Variants in PRKN observed in about 807,000 individuals in gnomAD.
PRKN encodes the protein parkin RBR E3 ubiquitin protein ligase.
A neutral mutation model predicts 59.5 loss-of-function variants in PRKN; 56 were observed. The ratio of observed to expected loss-of-function variants is 0.94; its 90% CI spans 0.76 to 1.18. The LOEUF is 1.18. PRKN is among the 50% of genes most tolerant of loss of function. The probability of loss-of-function intolerance (pLI) is 0.00; values close to 1 mark genes in which losing one functional copy is unlikely to be tolerated. For missense variants in PRKN, 657 were observed against 596.4 expected, an observed-to-expected ratio of 1.10 and a Z score of -1.06; for synonymous variants, 250 against 222.1, an observed-to-expected ratio of 1.13 and a Z score of -1.12.
At chr6:161,951,383 A>G (rs1779984106) in intron 6 of PRKN, among the ~76,000 whole-genome samples, 1 of 151,860 alleles carries the variant, frequency 6.6e-6, no homozygotes, top group African/African-American at 2.4e-5. Flanking sequence ...CTGAACTATT[A>G]ACCTTCTTCT....
intron 9 of PRKN, among the ~76,000 whole-genome samples, chr6:161,504,984 T>C (rs1356879707): frequency 3.4e-5 from 5 of 148,364 alleles, no homozygotes. Flanking sequence ...GCAATAAACA[T>C]ACGTGTGCAT....
At chr6:161,719,895 G>A (rs1300847255) in intron 7 of PRKN, among the ~76,000 whole-genome samples, 2 of 152,214 alleles carry the variant, frequency 1.3e-5, no homozygotes, top group Non-Finnish European at 2.9e-5. Context: ...GCCTCCCAAA[G>A]TGCTGGGATT....
chr6:162,278,034 C>G (rs1192830000), intron 2 of PRKN, among the ~76,000 whole-genome samples: 1 of 152,120 alleles, frequency 6.6e-6, no homozygotes, highest in African/African-American at 2.4e-5. Context: ...TGTTCTTCAT[C>G]AGGTGAATGG....
chr6:162,439,169 GT>G (rs1789930142), intron 2 of PRKN, among the ~76,000 whole-genome samples: 1 of 152,128 alleles, frequency 6.6e-6, no homozygotes, highest in Non-Finnish European at 1.5e-5. Flanking sequence ...TAGGGCCGCA[GT>G]TTTTCTGTTG....
intron 4 of PRKN, among the ~76,000 whole-genome samples, chr6:162,107,368 G>A (rs547817794): frequency 1.3e-5 from 2 of 152,188 alleles, no homozygotes; most frequent in East Asian, 3.9e-4. Context: ...AGGAGGCTGA[G>A]GCAGGAGTAT....
At chr6:162,576,972 A>C (rs1237610559) in intron 1 of PRKN, among the ~76,000 whole-genome samples, 2 of 152,194 alleles carry the variant, frequency 1.3e-5, no homozygotes, top group Non-Finnish European at 2.9e-5. Flanking sequence ...GGCAAAAATA[A>C]TGCCTTTCAT....
intron 2 of PRKN, among the ~76,000 whole-genome samples, chr6:162,323,303 T>C (rs941691434): frequency 2.6e-5 from 3 of 113,772 alleles, no homozygotes; most frequent in African/African-American, 5.9e-5. Context: ...AAACCACTTA[T>C]AGAAAAAAAC....
intron 5 of PRKN, among the ~76,000 whole-genome samples, chr6:162,053,141 C>T (rs959540766): frequency 3.3e-5 from 5 of 152,172 alleles, no homozygotes; most frequent in African/African-American, 1.2e-4. Flanking sequence ...GTCCCTAGCC[C>T]TAGGCTGGTG....
At chr6:162,667,206 A>G (rs370754060) in intron 1 of PRKN, among the ~76,000 whole-genome samples, 1 of 152,082 alleles carries the variant, frequency 6.6e-6, no homozygotes, top group African/African-American at 2.4e-5. Flanking sequence ...TCTGTGCGTG[A>G]CAAATTTACC....
chr6:161,396,227 T>C lies in PRKN; in HGVS notation c.1084-9350A>G, dbSNP rs2114967903. 6.6e-6 allele frequency among the ~76,000 whole-genome samples: 1 copy of C among 152,326 alleles called. No individual in the cohort carries two copies. Among genetic ancestry groups the C allele is most frequent in the East Asian group, 1.9e-4 (1 of 5,192 alleles). The stretch of plus-strand genomic sequence containing the variant: ...CTTCCAAGGTCCCCAGCTCTGGCAT[T>C]TGTGTCATGGCTTACCTTGTTCCCA... On this transcript the variant is annotated intron_variant, in intron 9 of 11. Coordinates refer to ENST00000366898, the MANE Select transcript of PRKN (RefSeq NM_004562.3). The surrounding 1 kb of genome is among the most constrained non-coding windows in gnomAD (Gnocchi z 5.4).
At position 161,502,880 on chromosome 6, in the gene PRKN, C is replaced by G. The variant is rs528762752; in HGVS notation, c.1083+45974G>C. ...ACCTGACTCCACAGCTTAGTAGGTG[C>G]GTAACCCTGGGGATGTCGCTTAATT... On this transcript the variant is annotated intron_variant, in intron 9 of 11. Transcript: ENST00000366898. The surrounding 1 kb of genome is among the most constrained non-coding windows in gnomAD (Gnocchi z 4.0). Among the ~76,000 whole-genome samples the G allele has an allele frequency of 7.2e-5, 11 of 152,170 alleles. No individual in the cohort carries two copies. The East Asian group carries it at 1.9e-3, about 27-fold the overall frequency.
At chr6:162,417,323 C>T (rs370491147) in intron 2 of PRKN, among the ~76,000 whole-genome samples, 6 of 152,118 alleles carry the variant, frequency 3.9e-5, no homozygotes, top group East Asian at 1.9e-4. Context: ...CTTGATGCCA[C>T]GCGTTGACTG....
In PRKN at chr6:161,395,580, G is replaced by A. The variant is rs1449951416; in HGVS notation, c.1084-8703C>T. On this transcript the variant is annotated intron_variant, in intron 9 of 11. Transcript: ENST00000366898. The surrounding 1 kb of genome is among the most constrained non-coding windows in gnomAD (Gnocchi z 5.0). ...TGTCAGTCACAGGCTTAGCAGCAAG[G>A]TGGGTGGAAGCTGCTTCCCCAACAC... Among the ~76,000 whole-genome samples, 1 of 152,216 alleles carries A rather than the reference G, an allele frequency of 6.6e-6. No individual in the cohort carries two copies. The highest frequency in any genetic ancestry group is 1.5e-5 in the Non-Finnish European group (1 of 68,048).
intron 2 of PRKN, among the ~76,000 whole-genome samples, chr6:162,305,598 A>C (rs1358667963): frequency 6.6e-6 from 1 of 152,182 alleles, no homozygotes; most frequent in African/African-American, 2.4e-5. Context: ...AAGATAAGAA[A>C]ACTATGAGTG....
intron 1 of PRKN, among the ~76,000 whole-genome samples, chr6:162,512,580 T>C (rs1328376046): frequency 6.6e-6 from 1 of 152,198 alleles, no homozygotes. Context: ...GTGTCCGTCA[T>C]AGGTGTTACT....
In PRKN at chr6:161,385,248, C is replaced by T. The variant is rs1447777328; in HGVS notation, c.1167+1546G>A. 1.3e-5 allele frequency among the ~76,000 whole-genome samples: 2 copies of T among 152,116 alleles called. No homozygotes were observed. Among genetic ancestry groups the T allele is most frequent in the African/African-American group, 4.8e-5 (2 of 41,424 alleles). On this transcript the variant is annotated intron_variant, in intron 10 of 11. Transcript: ENST00000366898. The surrounding 1 kb of genome is among the most constrained non-coding windows in gnomAD (Gnocchi z 4.9). Reference sequence around the variant, plus strand: ...CGGCCGGGAAATATACTTTTCAATGCATTTTTCTAGAGAGTCTAGCAGCTG... The same window carrying T: ...CGGCCGGGAAATATACTTTTCAATGTATTTTTCTAGAGAGTCTAGCAGCTG...
Position 161,417,326 on chromosome 6 carries a change from T to C in PRKN, c.1084-30449A>G, listed in dbSNP as rs969296753. The stretch of plus-strand genomic sequence containing the variant: ...TTAGCCGGGTGTGGTGGCGCCTGCC[T>C]GTAGTCGCAGCTACTCGGGAGGCTA... On this transcript the variant is annotated intron_variant, in intron 9 of 11. Coordinates refer to ENST00000366898, the MANE Select transcript of PRKN (RefSeq NM_004562.3). The surrounding 1 kb of genome is among the most constrained non-coding windows in gnomAD (Gnocchi z 5.4). Among the ~76,000 whole-genome samples the C allele has an allele frequency of 3.3e-5, 5 of 151,956 alleles. No homozygotes were observed. The highest frequency in any genetic ancestry group is 3.3e-4 in the Admixed American group (5 of 15,254).
At chr6:161,717,282 G>C (rs1209427938) in intron 7 of PRKN, among the ~76,000 whole-genome samples, 1 of 152,212 alleles carries the variant, frequency 6.6e-6, no homozygotes, top group Non-Finnish European at 1.5e-5. Context: ...ACGGGCAAGA[G>C]GACTGAGAAT....
rs151325108 is a variant in PRKN, at chr6:161,701,610, C to A, written c.871+84162G>T. Among the ~76,000 whole-genome samples the A allele has an allele frequency of 4.5e-3, 686 of 152,186 alleles. 3 individuals carry two copies. The highest frequency in any genetic ancestry group is 0.017 in the Middle Eastern group (5 of 294). On this transcript the variant is annotated intron_variant, in intron 7 of 11. Coordinates refer to ENST00000366898, the MANE Select transcript of PRKN (RefSeq NM_004562.3). ...ACCATATTCTTTTCAGTGTCATAAT[C>A]AATGCCAGACAATCAATTAAAAATT...
Sources: allele counts gnomAD v4.1 joint callset (sites outside exome capture counted in the v4.1 genomes callset), GRCh38; gene constraint gnomAD v4.1.1; non-coding constraint Gnocchi (gnomAD v3.1); transcripts MANE v1.5; gene names NCBI Gene and HGNC (gene_info 2026-07-23, HGNC 2026-07-21).